CACNA1E: variants seen among roughly 807,000 people sequenced by gnomAD.
CACNA1E encodes calcium voltage-gated channel subunit alpha1 E.
In CACNA1E, 40 loss-of-function variants were observed where a neutral mutation model predicts 259.2. That is an observed-to-expected ratio of 0.15 (90% CI 0.12 to 0.20). The LOEUF is 0.20. CACNA1E is among the 10% of genes least tolerant of loss of function. The probability of loss-of-function intolerance (pLI) is 1.00; values close to 1 mark genes in which losing one functional copy is unlikely to be tolerated. For missense variants in CACNA1E, 1,874 were observed against 3,040.1 expected (o/e 0.62, Z 9.02); for synonymous variants, 1,104 against 1,138.5 (o/e 0.97, Z 0.61).
intron 1 of CACNA1E, among the ~76,000 whole-genome samples, chr1:181,352,317 G>A (rs1417766793): frequency 6.6e-6 from 1 of 152,168 alleles, no homozygotes; most frequent in African/African-American, 2.4e-5. Flanking sequence ...CAAGTGAGTG[G>A]GGGTGAGAGT....
At chr1:181,392,990 A>G (rs764174101) in intron 1 of CACNA1E, among the ~76,000 whole-genome samples, 6 of 152,226 alleles carry the variant, frequency 3.9e-5, no homozygotes, top group Non-Finnish European at 8.8e-5. Context: ...CTGTGAAATG[A>G]TAAGGAGTTA....
At chr1:181,440,963 A>G (rs1260629381) in intron 2 of CACNA1E, among the ~76,000 whole-genome samples, 1 of 128,560 alleles carries the variant, frequency 7.8e-6, no homozygotes, top group African/African-American at 3.0e-5. Context: ...CCTGGGTGAG[A>G]GAGCGAGACG....
chr1:181,593,062 T>C (rs4652667), intron 6 of CACNA1E, among the ~76,000 whole-genome samples: 16,487 of 152,184 alleles, frequency 0.11, 1,207 homozygotes, highest in African/African-American at 0.2. Context: ...TTTTCATCAG[T>C]AATATGGGGG....
intron 1 of CACNA1E, among the ~76,000 whole-genome samples, chr1:181,407,466 G>A (rs1657548595): frequency 6.6e-6 from 1 of 152,166 alleles, no homozygotes; most frequent in South Asian, 2.1e-4. Context: ...TGGTTCCTAG[G>A]GGGAAAGGGT....
At chr1:181,663,836 T>G (rs1410004479) in intron 7 of CACNA1E, among the ~76,000 whole-genome samples, 2 of 152,240 alleles carry the variant, frequency 1.3e-5, no homozygotes, top group East Asian at 3.8e-4. Context: ...TTGCCCATTT[T>G]CCCATAAATT....
chr1:181,755,737 G>C lies in CACNA1E; in HGVS notation c.3990-219G>C, dbSNP rs969517395. ...CAAGTTGCTCAAGGTTACACAGCCAGTAGTGAAAGGGTTAGGATTTACTCC... is the reference window on the plus strand; with the variant it reads ...CAAGTTGCTCAAGGTTACACAGCCACTAGTGAAAGGGTTAGGATTTACTCC... On this transcript the variant is annotated intron_variant, in intron 28 of 47. Coordinates refer to ENST00000367573, the MANE Select transcript of CACNA1E (RefSeq NM_001205293.3). 2.0e-5 allele frequency among the ~76,000 whole-genome samples: 3 copies of C among 152,226 alleles called. 1 individual carries two copies. Among genetic ancestry groups the C allele is most frequent in the African/African-American group, 7.2e-5 (3 of 41,470 alleles).
At chr1:181,612,077 A>G (rs750139122) in intron 6 of CACNA1E, among the ~76,000 whole-genome samples, 4 of 152,208 alleles carry the variant, frequency 2.6e-5, no homozygotes, top group Non-Finnish European at 4.4e-5. Flanking sequence ...AAAACACGAC[A>G]CTTGAGATTA....
chr1:181,405,835 G>T (rs1387252015), intron 1 of CACNA1E, among the ~76,000 whole-genome samples: 1 of 152,218 alleles, frequency 6.6e-6, no homozygotes, highest in Non-Finnish European at 1.5e-5. Flanking sequence ...CAAGTGCTTA[G>T]TCTTTTTCTT....
rs769503828 is a variant in CACNA1E, at chr1:181,733,679, C to T, written c.3191C>T (p.Thr1064Ile). The T allele has an allele frequency of 1.2e-6, 2 of 1,606,368 alleles. No individual in the cohort carries two copies. The highest frequency in any genetic ancestry group is 1.3e-5 in the African/African-American group (1 of 74,590). Residue 1064 changes from threonine to isoleucine, a missense_variant, in exon 21 of 48, where the codon ACC becomes ATC. By Grantham distance (89) the Thr-to-Ile change is moderately conservative. Coordinates refer to ENST00000367573, the MANE Select transcript of CACNA1E (RefSeq NM_001205293.3). ...ATCACGGCCAACACGGACAAGGCCA[C>T]CACCGAGAGCACCAGCGTCACCGTC... is the stretch of plus-strand genomic sequence containing the variant. ...SCITANTDKA[T>I]TESTSVTVAI...
chr1:181,795,767 A>AATATAAATATATATATATAT (rs1661743093), intron 46 of CACNA1E, among the ~76,000 whole-genome samples: 1 of 113,276 alleles, frequency 8.8e-6, no homozygotes, highest in Admixed American at 8.7e-5. Flanking sequence ...TTTTGCTTTA[A>AATATAAATATATATATATAT]ATATATATAT....
At chr1:181,457,494 G>A (rs528684383) in intron 2 of CACNA1E, among the ~76,000 whole-genome samples, 1 of 152,370 alleles carries the variant, frequency 6.6e-6, no homozygotes, top group African/African-American at 2.4e-5. Context: ...TCCCGCGTTG[G>A]TGACAAGAGG....
At chr1:181,600,056 G>A (rs1459735476) in intron 6 of CACNA1E, among the ~76,000 whole-genome samples, 1 of 152,198 alleles carries the variant, frequency 6.6e-6, no homozygotes, top group Admixed American at 6.5e-5. Flanking sequence ...AGTGTTGCAG[G>A]GAGGCAGTAT....
intron 2 of CACNA1E, among the ~76,000 whole-genome samples, chr1:181,455,198 A>G (rs182348555): frequency 1.3e-5 from 2 of 152,314 alleles, no homozygotes; most frequent in Non-Finnish European, 2.9e-5. Flanking sequence ...TGGCCACATT[A>G]TATTGGTTTC....
chr1:181,341,785 T>TA (rs1193642481), intron 1 of CACNA1E, among the ~76,000 whole-genome samples: 2 of 152,238 alleles, frequency 1.3e-5, no homozygotes, highest in Non-Finnish European at 2.9e-5. Flanking sequence ...CTGGACTACT[T>TA]ACATGGCTAT....
At chr1:181,689,423 A>G (rs182406115) in intron 7 of CACNA1E, among the ~76,000 whole-genome samples, 6 of 152,220 alleles carry the variant, frequency 3.9e-5, no homozygotes, top group Non-Finnish European at 8.8e-5. Context: ...GCTATTGTGA[A>G]TAGTGCTGCA....
chr1:181,437,574 C>A (rs777993877), intron 2 of CACNA1E, among the ~76,000 whole-genome samples: 3 of 152,112 alleles, frequency 2.0e-5, no homozygotes, highest in Non-Finnish European at 2.9e-5. Context: ...TTCCTGAGTC[C>A]CATGGTTCTT....
At chr1:181,426,560 T>TC (rs1316476298) in intron 2 of CACNA1E, among the ~76,000 whole-genome samples, 4 of 136,268 alleles carry the variant, frequency 2.9e-5, no homozygotes, top group Non-Finnish European at 6.2e-5. Context: ...CCCCTTCCCA[T>TC]CTCAACCACT....
intron 1 of CACNA1E, among the ~76,000 whole-genome samples, chr1:181,380,880 C>T (rs1655410438): frequency 6.6e-6 from 1 of 152,140 alleles, no homozygotes; most frequent in Non-Finnish European, 1.5e-5. Flanking sequence ...AGTATATGTC[C>T]ATATAGGCTG....
In CACNA1E at chr1:181,550,482, C is replaced by A. The variant is rs1225017640; in HGVS notation, c.513-27284C>A. Among the ~76,000 whole-genome samples, 4 of 152,038 alleles carry A rather than the reference C, an allele frequency of 2.6e-5. No homozygotes were observed. The East Asian group carries it at 7.7e-4, about 29-fold the overall frequency. ...GCAGAGAAGAGGGCAAGGACAGACT[C>A]CAAGAGGCCCTGAATCAAATGGGTA... On this transcript the variant is annotated intron_variant, in intron 3 of 47. Coordinates refer to ENST00000367573, the MANE Select transcript of CACNA1E (RefSeq NM_001205293.3).
Sources: gnomAD v4.1 joint callset for allele counts (sites outside exome capture counted in the v4.1 genomes callset) on GRCh38, gnomAD v4.1.1 for gene constraint, MANE v1.5 for transcripts, NCBI Gene and HGNC (gene_info 2026-07-23, HGNC 2026-07-21) for gene names.